The following DYSF variants were observed in gnomAD, a reference collection of about 807,000 sequenced individuals.
DYSF encodes dysferlin.
Under a neutral mutation model 274.9 loss-of-function variants are expected in DYSF, and 212 were observed. The ratio of observed to expected loss-of-function variants is 0.77; its 90% CI spans 0.69 to 0.86. The LOEUF is 0.86. Ranked by LOEUF, DYSF falls within the 40% of genes least tolerant of loss-of-function variation. DYSF has a pLI of 0.00. For synonymous variants in DYSF, 1,091 were observed against 1,078.7 expected (o/e 1.01, Z -0.22); for missense variants, 2,666 against 2,783.2 (o/e 0.96, Z 0.95).
At chr2:71,547,692 G>A (rs2090589773) in intron 17 of DYSF, among the ~76,000 whole-genome samples, 1 of 152,180 alleles carries the variant, frequency 6.6e-6, no homozygotes, top group African/African-American at 2.4e-5. Flanking sequence ...ATGAAAAGGT[G>A]TGGTTGCGAG....
intron 3 of DYSF, among the ~76,000 whole-genome samples, chr2:71,484,354 G>A (rs1197568260): frequency 6.6e-6 from 1 of 152,036 alleles, no homozygotes; most frequent in Non-Finnish European, 1.5e-5. Flanking sequence ...TGCCTGGCCA[G>A]AGATTTCCTT....
At chr2:71,479,709 G>A (rs894730013) in intron 1 of DYSF, among the ~76,000 whole-genome samples, 1 of 152,190 alleles carries the variant, frequency 6.6e-6, no homozygotes, top group African/African-American at 2.4e-5. Context: ...CCAGAGGAAG[G>A]GCTTCTGCCG....
intron 42 of DYSF, among the ~76,000 whole-genome samples, chr2:71,649,606 G>C (rs2094622309): frequency 6.6e-6 from 1 of 151,940 alleles, no homozygotes; most frequent in African/African-American, 2.4e-5. Context: ...CAGAAGCTGA[G>C]ATCATTCCAG....
intron 7 of DYSF, among the ~76,000 whole-genome samples, chr2:71,514,804 A>G (rs2086481841): frequency 6.6e-6 from 1 of 152,176 alleles, no homozygotes; most frequent in South Asian, 2.1e-4. Context: ...TCTAGCCCCC[A>G]TACTACTATT....
chr2:71,563,831 TG>T (rs2091926551), intron 23 of DYSF, among the ~76,000 whole-genome samples: 1 of 152,202 alleles, frequency 6.6e-6, no homozygotes, highest in African/African-American at 2.4e-5. Context: ...TCATGTGAGC[TG>T]GGGGCAGCCT....
intron 49 of DYSF, 79 bp downstream of exon 49, chr2:71,668,921 T>C (rs1573092958): frequency 6.7e-7 from 1 of 1,486,952 alleles, no homozygotes; most frequent in Non-Finnish European, 9.2e-7. Flanking sequence ...GACTAGGCGG[T>C]TGCTCTTTTC....
intron 36 of DYSF, 37 bp from the exon 37 acceptor site, chr2:71,611,208 C>A: frequency 6.7e-7 from 1 of 1,503,104 alleles, no homozygotes; most frequent in Non-Finnish European, 9.3e-7. Context: ...GGTCTTCCTT[C>A]CACCTTTGTC....
chr2:71,580,133 G>A (rs546718290), intron 30 of DYSF, among the ~76,000 whole-genome samples: 12 of 152,360 alleles, frequency 7.9e-5, no homozygotes, highest in African/African-American at 2.9e-4. Context: ...CCCAGGGTGG[G>A]AGGATTGGAT....
intron 1 of DYSF, among the ~76,000 whole-genome samples, chr2:71,478,068 G>A (rs1553506440): frequency 6.9e-6 from 1 of 143,962 alleles, no homozygotes; most frequent in Admixed American, 6.9e-5. Flanking sequence ...TGCTATATAT[G>A]TGTCACTTAT....
At position 71,520,891 on chromosome 2, in the gene DYSF, G is replaced by A. The variant is rs562361258; in HGVS notation, c.1136G>A (p.Gly379Glu). The A allele has an allele frequency of 5.0e-6, 8 of 1,614,084 alleles. No individual in the cohort carries two copies. The African/African-American group carries it at 8.0e-5, about 16-fold the overall frequency. ...LKTSLCVLGP[G>E]DEAPLERKDP... ...ACAAGCCTTTGTGTGCTGGGGCCTG[G>A]GGACGAAGCGCCTGTGAGTACATTT... The change falls in exon 12 of 56, where the codon GGG (glycine) becomes GAG (glutamate). Residue 379 changes from glycine (G) to glutamate (E), a missense_variant. Physicochemically the swap from Gly to Glu is moderately conservative, Grantham distance 98 (BLOSUM62 -2). Coordinates refer to ENST00000410020, the MANE Select transcript of DYSF (RefSeq NM_001130987.2).
At chr2:71,526,997 A>T (rs1395228262) in intron 13 of DYSF, among the ~76,000 whole-genome samples, 1 of 152,242 alleles carries the variant, frequency 6.6e-6, no homozygotes, top group Non-Finnish European at 1.5e-5. Context: ...TTGGCCCGAT[A>T]CTAGACCCAT....
At chr2:71,591,928 A>C (rs1412181414) in intron 32 of DYSF, among the ~76,000 whole-genome samples, 1 of 152,232 alleles carries the variant, frequency 6.6e-6, no homozygotes, top group Non-Finnish European at 1.5e-5. Context: ...CTCCCTCTGC[A>C]AGTGTATATA....
intron 1 of DYSF, among the ~76,000 whole-genome samples, chr2:71,475,936 A>G (rs935474023): frequency 6.6e-5 from 10 of 151,910 alleles, no homozygotes; most frequent in South Asian, 2.1e-4. Flanking sequence ...ACACCTGGCT[A>G]ATTTTGTAAA....
At position 71,615,538 on chromosome 2, in the gene DYSF, C is replaced by T. The variant is rs1034587690; in HGVS notation, c.4464+2128C>T. ...GGGAGCCCTGGCCCTCTGGGGAAGC[C>T]CCTTTTCTGGTATCTGACTTTGTTC... On this transcript the variant is annotated intron_variant, in intron 40 of 55. Coordinates refer to ENST00000410020, the MANE Select transcript of DYSF (RefSeq NM_001130987.2). This position sits in a 1 kb window ranked among gnomAD's most constrained non-coding sequence, Gnocchi z 4.9. Among the ~76,000 whole-genome samples the T allele has an allele frequency of 4.6e-5, 7 of 152,088 alleles. No homozygotes were observed. The highest frequency in any genetic ancestry group is 8.8e-5 in the Non-Finnish European group (6 of 68,012).
At chr2:71,511,659 G>A (rs918859745) in intron 4 of DYSF, 148 bp from the exon 5 acceptor site, 11 of 695,056 alleles carry the variant, frequency 1.6e-5, no homozygotes, top group East Asian at 8.1e-5. Context: ...TAGGTCCCTT[G>A]GGGTGGCTTT....
At chr2:71,559,932 C>G (rs2091611000) in intron 22 of DYSF, among the ~76,000 whole-genome samples, 1 of 152,254 alleles carries the variant, frequency 6.6e-6, no homozygotes, top group African/African-American at 2.4e-5. Flanking sequence ...AGGCCGGACA[C>G]TGCCCAGGGT....
intron 29 of DYSF, 159 bp downstream of exon 29, chr2:71,570,900 ACC>A: frequency 9.4e-7 from 1 of 1,060,098 alleles, no homozygotes; most frequent in Non-Finnish European, 1.3e-6. Flanking sequence ...CACCCAGCAT[ACC>A]CAAAGATCAC....
At chr2:71,490,784 A>C (rs893418005) in intron 3 of DYSF, among the ~76,000 whole-genome samples, 1 of 152,208 alleles carries the variant, frequency 6.6e-6, no homozygotes, top group Non-Finnish European at 1.5e-5. Context: ...AGGTCAGTCC[A>C]TCACATTTTT....
intron 36 of DYSF, among the ~76,000 whole-genome samples, chr2:71,605,827 C>T (rs1234689318): frequency 1.3e-5 from 2 of 152,076 alleles, no homozygotes; most frequent in East Asian, 3.9e-4. Flanking sequence ...CCCCATTCCT[C>T]CCCCAAGGCC....
Sources: allele counts gnomAD v4.1 joint callset (sites outside exome capture counted in the v4.1 genomes callset), GRCh38; gene constraint gnomAD v4.1.1; non-coding constraint Gnocchi (gnomAD v3.1); transcripts MANE v1.5; gene names NCBI Gene and HGNC (gene_info 2026-07-23, HGNC 2026-07-21).